Variants in NRP1 observed in about 807,000 individuals in gnomAD.
NRP1 encodes neuropilin 1.
In NRP1, 35 loss-of-function variants were observed where a neutral mutation model predicts 106.7. That is an observed-to-expected ratio of 0.33 (90% CI 0.25 to 0.43). The LOEUF is 0.43. NRP1 is among the 20% of genes least tolerant of loss of function. The pLI is 1.00. For missense variants in NRP1, 1,024 were observed against 1,170.4 expected (o/e 0.87, Z 1.83); for synonymous variants, 437 against 417.9 (o/e 1.05, Z -0.56).
At chr10:33,330,576 T>C in intron 2 of NRP1, 132 bp downstream of exon 2, 2 of 631,238 alleles carry the variant, frequency 3.2e-6, no homozygotes, top group Non-Finnish European at 4.9e-6. Flanking sequence ...CATTGACATA[T>C]AATCTGGCTG....
At chr10:33,315,840 G>A (rs1846991704) in intron 2 of NRP1, among the ~76,000 whole-genome samples, 1 of 152,166 alleles carries the variant, frequency 6.6e-6, no homozygotes, top group South Asian at 2.1e-4. Context: ...GTGTGTAAAG[G>A]GCATTTACCC....
intron 2 of NRP1, among the ~76,000 whole-genome samples, chr10:33,308,180 G>A (rs182731280): frequency 6.6e-5 from 10 of 152,062 alleles, no homozygotes; most frequent in East Asian, 1.9e-4. Flanking sequence ...ACATATGGGC[G>A]CAAAGAACAA....
At position 33,192,430 on chromosome 10, in the gene NRP1, G is replaced by A; in HGVS notation, c.1925-12C>T. ...ATATGTTGGAAACTCTTCAGTGGGT[G>A]GGAAGTAAAAATAAGAGACAAGCAA... On this transcript the variant is annotated splice_polypyrimidine_tract_variant and intron_variant, in intron 12 of 16. Transcript: ENST00000374867. The A allele has an allele frequency of 2.5e-6, 4 of 1,611,958 alleles. No individual in the cohort carries two copies. The highest frequency in any genetic ancestry group is 3.4e-6 in the Non-Finnish European group (4 of 1,179,136).
intron 5 of NRP1, among the ~76,000 whole-genome samples, chr10:33,255,353 A>G (rs1474767175): frequency 1.3e-5 from 2 of 152,204 alleles, no homozygotes; most frequent in Non-Finnish European, 2.9e-5. Flanking sequence ...ATATGAGCAT[A>G]TCTGTAGAAT....
At chr10:33,318,561 C>T (rs148722956) in intron 2 of NRP1, among the ~76,000 whole-genome samples, 1 of 151,908 alleles carries the variant, frequency 6.6e-6, no homozygotes, top group East Asian at 1.9e-4. Flanking sequence ...TCCCCAGACA[C>T]GAGCAAAGAA....
chr10:33,265,556 A>G (rs925077121), intron 3 of NRP1, among the ~76,000 whole-genome samples: 4 of 152,242 alleles, frequency 2.6e-5, no homozygotes, highest in Non-Finnish European at 5.9e-5. Flanking sequence ...ATACCAACAG[A>G]GTGCATCTGG....
chr10:33,298,946 T>A lies in NRP1; in HGVS notation c.249-28090A>T, dbSNP rs774500436. On this transcript the variant is annotated intron_variant, in intron 2 of 16. Coordinates refer to ENST00000374867, the MANE Select transcript of NRP1 (RefSeq NM_003873.7). ...CCACCACTACTGCTATTACTACTTC[T>A]ACCTACCATGCATTGAGCACTTATT... is the stretch of plus-strand genomic sequence containing the variant. Among the ~76,000 whole-genome samples, 18 of 152,154 alleles carry A rather than the reference T, an allele frequency of 1.2e-4. 1 individual carries two copies. Among genetic ancestry groups the A allele is most frequent in the Non-Finnish European group, 1.2e-4 (8 of 68,026 alleles).
intron 4 of NRP1, among the ~76,000 whole-genome samples, chr10:33,259,090 C>A (rs1011278037): frequency 6.6e-6 from 1 of 152,118 alleles, no homozygotes. Context: ...GAAGCTCAGG[C>A]GGCTGATCCT....
intron 12 of NRP1, 23 bp from the exon 13 acceptor site, chr10:33,192,441 A>G (rs764024112): frequency 1.2e-4 from 199 of 1,611,642 alleles, no homozygotes; most frequent in Non-Finnish European, 1.6e-4. Flanking sequence ...GGAAGTAAAA[A>G]TAAGAGACAA....
At chr10:33,222,533 TTA>T (rs1839341120) in intron 7 of NRP1, among the ~76,000 whole-genome samples, 1 of 113,772 alleles carries the variant, frequency 8.8e-6, no homozygotes, top group South Asian at 3.4e-4. Flanking sequence ...ATTTATTTAT[TTA>T]TTTAAGATGG....
intron 4 of NRP1, among the ~76,000 whole-genome samples, chr10:33,259,697 T>C (rs947672002): frequency 1.3e-5 from 2 of 152,212 alleles, no homozygotes; most frequent in Non-Finnish European, 2.9e-5. Context: ...TTTAAAGATA[T>C]GCCTACAACG....
In NRP1 at chr10:33,202,544, C is replaced by T. The variant is rs376336057; in HGVS notation, c.1864+347G>A. On this transcript the variant is annotated intron_variant, in intron 11 of 16. Coordinates refer to ENST00000374867, the MANE Select transcript of NRP1 (RefSeq NM_003873.7). ...ATAAACATTCTGAAGTGTGTGGTTA[C>T]GTAGGGGTGGTGCACGTGTTATTGG... 627 of 1,320,030 alleles carry T rather than the reference C, an allele frequency of 4.7e-4. 2 individuals carry two copies. Among genetic ancestry groups the T allele is most frequent in the Middle Eastern group, 2.2e-3 (8 of 3,706 alleles). The allele number at this position is 1,320,030 out of a possible 1,614,324, so 81.8% of individuals were successfully genotyped here.
intron 2 of NRP1, among the ~76,000 whole-genome samples, chr10:33,296,210 G>A (rs1845372157): frequency 6.6e-6 from 1 of 152,224 alleles, no homozygotes; most frequent in Admixed American, 6.5e-5. Flanking sequence ...TTAAGTTGGG[G>A]AAATACTGTG....
chr10:33,312,399 C>A (rs1349914316), intron 2 of NRP1, among the ~76,000 whole-genome samples: 1 of 152,170 alleles, frequency 6.6e-6, no homozygotes, highest in Non-Finnish European at 1.5e-5. Context: ...GGGTCTGGTA[C>A]AACTAAACCA....
chr10:33,252,290 G>A (rs1231921074), intron 6 of NRP1, among the ~76,000 whole-genome samples: 1 of 152,150 alleles, frequency 6.6e-6, no homozygotes, highest in African/African-American at 2.4e-5. Context: ...GACCACGTGT[G>A]ATCCGAATCT....
At chr10:33,273,765 CAG>C (rs111239167) in intron 2 of NRP1, among the ~76,000 whole-genome samples, 6,996 of 152,200 alleles carry the variant, frequency 0.046, 194 homozygotes, top group Non-Finnish European at 0.056. Context: ...GAGGAGGGGT[CAG>C]AGAGTTGACC....
chr10:33,211,316 A>G (rs1838285987), intron 9 of NRP1: 2 of 152,242 alleles, frequency 1.3e-5, no homozygotes, highest in African/African-American at 2.4e-5. Flanking sequence ...CGCCGTCGCC[A>G]GCAGCAGGAA....
intron 2 of NRP1, among the ~76,000 whole-genome samples, chr10:33,318,168 T>C (rs1405836809): frequency 2.6e-5 from 4 of 152,202 alleles, no homozygotes; most frequent in African/African-American, 9.7e-5. Flanking sequence ...TAAAGCTGTG[T>C]CTAGGTGGCA....
chr10:33,269,848 T>A (rs955744146), intron 3 of NRP1, among the ~76,000 whole-genome samples: 5 of 152,228 alleles, frequency 3.3e-5, no homozygotes, highest in African/African-American at 1.2e-4. Flanking sequence ...TGAGGATCTG[T>A]CACTGTCTCC....
Sources: allele counts gnomAD v4.1 joint callset (sites outside exome capture counted in the v4.1 genomes callset), GRCh38; gene constraint gnomAD v4.1.1; transcripts MANE v1.5; gene names NCBI Gene and HGNC (gene_info 2026-07-23, HGNC 2026-07-21).